The following AOPEP variants were observed in gnomAD, a reference collection of about 807,000 sequenced individuals.
AOPEP encodes the protein aminopeptidase O.
A neutral mutation model predicts 98.1 loss-of-function variants in AOPEP; 77 were observed. The ratio of observed to expected loss-of-function variants is 0.78; its 90% CI spans 0.65 to 0.95. The LOEUF is 0.95. AOPEP is among the 40% of genes least tolerant of loss of function. AOPEP has a pLI of 0.00. For missense variants in AOPEP, 1,024 were observed against 1,024.7 expected (o/e 1.00, Z 0.01); for synonymous variants, 346 against 365.3 (o/e 0.95, Z 0.60).
At chr9:94,760,649 A>G in intron 2 of AOPEP, 69 bp downstream of exon 2, 1 of 1,274,024 alleles carries the variant, frequency 7.8e-7, no homozygotes, top group Non-Finnish European at 1.1e-6. Flanking sequence ...GCTTTCAAAC[A>G]TGAGACCGGC....
the AOPEP span, among the ~76,000 whole-genome samples, chr9:95,141,039 G>C: frequency 1.3e-5 from 2 of 152,120 alleles, no homozygotes; most frequent in Non-Finnish European, 2.9e-5. Context: ...GCTGGGCACA[G>C]TGTCTCAGGC....
In AOPEP at chr9:94,933,432, C is replaced by G. The variant is rs76455830; in HGVS notation, c.1661+4901C>G. On this transcript the variant is annotated intron_variant, in intron 7 of 16. Coordinates refer to ENST00000375315, the MANE Select transcript of AOPEP (RefSeq NM_001193329.3). ...CTGGATTCATTGTTAAATTCAAGCT[C>G]CTGCTGAGGAAAACGTTAAAATGTA... 9.4e-3 allele frequency: 9,302 copies of G among 985,372 alleles called. 656 individuals are homozygous for G. In the African/African-American group the frequency reaches 0.15, roughly 16 times the overall value. 61.0% of individuals were successfully genotyped at this position (985,372 alleles called of 1,614,324 possible). A position where few individuals can be genotyped will look rare whatever the true frequency, so the allele number is the denominator to read the frequency against.
chr9:94,773,150 C>A lies in AOPEP; in HGVS notation c.946C>A (p.Pro316Thr), dbSNP rs1841269277. Reference protein sequence around the residue: ...VLMSGENSAKPTQLWEECSSW... With the variant: ...VLMSGENSAKTTQLWEECSSW... The stretch of plus-strand genomic sequence containing the variant: ...AATGAGTGGGGAAAATTCTGCCAAA[C>A]CAACGCAGCTTTGGGAAGGTACTGT... The change falls in exon 3 of 17, where the codon CCA (proline) becomes ACA (threonine). Residue 316 changes from proline to threonine, a missense_variant. Coordinates refer to ENST00000375315, the MANE Select transcript of AOPEP (RefSeq NM_001193329.3). 6.2e-7 allele frequency: 1 copy of A among 1,613,934 alleles called. No individual in the cohort carries two copies. Among genetic ancestry groups the A allele is most frequent in the African/African-American group, 1.3e-5 (1 of 74,990 alleles).
chr9:94,993,333 T>C (rs942369097), intron 11 of AOPEP, among the ~76,000 whole-genome samples: 1 of 152,210 alleles, frequency 6.6e-6, no homozygotes, highest in African/African-American at 2.4e-5. Context: ...GTTTGCCTTT[T>C]GGAGGAGGGG....
At chr9:95,102,722 C>T in the AOPEP span, among the ~76,000 whole-genome samples, 3 of 152,234 alleles carry the variant, frequency 2.0e-5, no homozygotes, top group Non-Finnish European at 2.9e-5. Flanking sequence ...GGTCCGACAG[C>T]CCAGGACACC....
chr9:95,131,076 C>T, the AOPEP span, among the ~76,000 whole-genome samples: 1 of 152,256 alleles, frequency 6.6e-6, no homozygotes, highest in Admixed American at 6.5e-5. Context: ...TTAATCTTTA[C>T]CAGATGTTGT....
At chr9:94,959,103 G>T (rs2058653804) in intron 9 of AOPEP, among the ~76,000 whole-genome samples, 1 of 151,778 alleles carries the variant, frequency 6.6e-6, no homozygotes, top group South Asian at 2.1e-4. Context: ...GAGTGCAGTG[G>T]CGCGGTCTCG....
intron 5 of AOPEP, among the ~76,000 whole-genome samples, chr9:94,919,672 G>A (rs1367736587): frequency 6.6e-6 from 1 of 152,078 alleles, no homozygotes; most frequent in Admixed American, 6.5e-5. Flanking sequence ...AACCTAAGAG[G>A]GGTGGAGCGA....
At chr9:95,005,403 C>A (rs1256326145) in intron 12 of AOPEP, 139 bp from the exon 13 acceptor site, 9 of 950,948 alleles carry the variant, frequency 9.5e-6, no homozygotes, top group Middle Eastern at 3.4e-4. Flanking sequence ...CCGGCGAGTT[C>A]CGCGGGCGGG....
At chr9:95,109,294 C>CT in the AOPEP span, among the ~76,000 whole-genome samples, 2 of 152,166 alleles carry the variant, frequency 1.3e-5, no homozygotes, top group Non-Finnish European at 2.9e-5. Flanking sequence ...AGTAGCCTTA[C>CT]TATTGAAAGT....
At chr9:94,897,115 G>A (rs974553936) in intron 5 of AOPEP, among the ~76,000 whole-genome samples, 2 of 151,836 alleles carry the variant, frequency 1.3e-5, no homozygotes, top group Non-Finnish European at 2.9e-5. Flanking sequence ...ATAAATGTGA[G>A]GATGAATGGG....
At chr9:95,021,656 T>C (rs981404380) in intron 13 of AOPEP, 2 of 152,306 alleles carry the variant, frequency 1.3e-5, no homozygotes, top group African/African-American at 4.8e-5. Context: ...GAGAGTCTAA[T>C]TGGCCTTTGT....
At chr9:94,772,606 C>G in intron 2 of AOPEP, among the ~76,000 whole-genome samples, 1 of 152,146 alleles carries the variant, frequency 6.6e-6, no homozygotes, top group East Asian at 1.9e-4. Context: ...CAGTGATCTC[C>G]AAACATATTT....
intron 2 of AOPEP, among the ~76,000 whole-genome samples, chr9:94,771,708 TG>T (rs909799023): frequency 1.3e-5 from 2 of 151,832 alleles, no homozygotes; most frequent in Non-Finnish European, 2.9e-5. Context: ...CCCTTCAGTG[TG>T]GTTGAGTCTC....
At chr9:94,865,279 C>T (rs944606191) in intron 5 of AOPEP, among the ~76,000 whole-genome samples, 2 of 152,168 alleles carry the variant, frequency 1.3e-5, no homozygotes, top group South Asian at 2.1e-4. Context: ...TTTGACCAAA[C>T]GACTCTCCTA....
intron 5 of AOPEP, among the ~76,000 whole-genome samples, chr9:94,917,980 A>C (rs956253330): frequency 6.6e-6 from 1 of 151,790 alleles, no homozygotes; most frequent in South Asian, 2.1e-4. Flanking sequence ...CGGTTTCCCC[A>C]TCTCATTCTC....
chr9:94,855,556 G>A (rs973805931), intron 5 of AOPEP, among the ~76,000 whole-genome samples: 32 of 152,070 alleles, frequency 2.1e-4, no homozygotes, highest in African/African-American at 6.3e-4. Flanking sequence ...ACGTGATGGC[G>A]CATGCCTGTA....
intron 5 of AOPEP, among the ~76,000 whole-genome samples, chr9:94,806,823 G>T (rs1436926241): frequency 6.6e-6 from 1 of 152,190 alleles, no homozygotes; most frequent in Non-Finnish European, 1.5e-5. Context: ...AGCAAGGTAG[G>T]TAGTGAGAAT....
intron 13 of AOPEP, among the ~76,000 whole-genome samples, chr9:95,060,066 C>T (rs1038867885): frequency 3.3e-5 from 5 of 152,340 alleles, no homozygotes; most frequent in Admixed American, 2.6e-4. Context: ...TTTGACCATT[C>T]CTGTATGAGA....
Sources: allele counts gnomAD v4.1 joint callset (sites outside exome capture counted in the v4.1 genomes callset), GRCh38; gene constraint gnomAD v4.1.1; transcripts MANE v1.5; gene names NCBI Gene and HGNC (gene_info 2026-07-23, HGNC 2026-07-21).